FAM227B: variants seen among roughly 807,000 people sequenced by gnomAD.
FAM227B encodes the protein protein FAM227B.
FAM227B carries 88 observed loss-of-function variants against 73.8 expected under a neutral mutation model. The ratio of observed to expected loss-of-function variants is 1.19; its 90% CI spans 1.00 to 1.42. The LOEUF (loss-of-function observed/expected upper bound fraction) is 1.42. Among genes scored for constraint, FAM227B ranks in the 40% most tolerant of loss-of-function variants. FAM227B has a pLI of 0.00. For synonymous variants in FAM227B, 210 were observed against 190.5 expected, an observed-to-expected ratio of 1.10 and a Z score of -0.84; for missense variants, 632 against 590.9, an observed-to-expected ratio of 1.07 and a Z score of -0.72.
At chr15:49,509,842 A>G (rs2058854043) in intron 10 of FAM227B, among the ~76,000 whole-genome samples, 1 of 152,138 alleles carries the variant, frequency 6.6e-6, no homozygotes, top group African/African-American at 2.4e-5. Context: ...CCATAAAATA[A>G]AGGAGCTAAA....
chr15:49,362,338 T>G (rs1007943224), intron 13 of FAM227B, among the ~76,000 whole-genome samples: 1 of 152,124 alleles, frequency 6.6e-6, no homozygotes. Flanking sequence ...TGAAGAAGGT[T>G]CTTGCTTCCC....
At chr15:49,350,797 C>A (rs903137305) in intron 13 of FAM227B, among the ~76,000 whole-genome samples, 1 of 152,098 alleles carries the variant, frequency 6.6e-6, no homozygotes, top group Admixed American at 6.6e-5. Context: ...TAACAGTGCT[C>A]TCTAAGATAT....
intron 11 of FAM227B, among the ~76,000 whole-genome samples, chr15:49,477,785 T>A (rs1211731665): frequency 1.3e-5 from 2 of 152,228 alleles, no homozygotes; most frequent in Non-Finnish European, 2.9e-5. Context: ...CCATTTTGCA[T>A]TCCCACTAGT....
At chr15:49,418,153 G>C (rs1035978672) in intron 11 of FAM227B, among the ~76,000 whole-genome samples, 2 of 152,096 alleles carry the variant, frequency 1.3e-5, no homozygotes, top group Admixed American at 6.6e-5. Flanking sequence ...TTACTAAAAA[G>C]TCAAAAAATA....
chr15:49,365,126 T>C lies in FAM227B; in HGVS notation c.1271+2322A>G, dbSNP rs187556068. 1.3e-3 allele frequency: 899 copies of C among 717,688 alleles called. 2 individuals are homozygous for C. The highest frequency in any genetic ancestry group is 2.0e-3 in the Non-Finnish European group (778 of 393,988). The allele number at this position is 717,688 out of a possible 1,614,324, so 44.5% of individuals were successfully genotyped here. ...TTATAGCAGTTCCACATAATATTAT[T>C]GCTGGACAATCTGTTCACCAGACAT... On this transcript the variant is annotated intron_variant, in intron 13 of 15. Transcript: ENST00000299338.
intron 11 of FAM227B, among the ~76,000 whole-genome samples, chr15:49,375,713 TG>T (rs1457361970): frequency 6.6e-6 from 1 of 152,108 alleles, no homozygotes; most frequent in African/African-American, 2.4e-5. Flanking sequence ...CACCACTAAA[TG>T]GGTTCACAGG....
At chr15:49,563,415 C>A (rs920655660) in intron 9 of FAM227B, among the ~76,000 whole-genome samples, 1 of 152,080 alleles carries the variant, frequency 6.6e-6, no homozygotes, top group Non-Finnish European at 1.5e-5. Context: ...GGCCATACTG[C>A]CCAAAGCAAT....
At chr15:49,574,829 A>G (rs2075347642) in intron 8 of FAM227B, 182 bp downstream of exon 8, 3 of 362,536 alleles carry the variant, frequency 8.3e-6, no homozygotes, top group Non-Finnish European at 1.5e-5. Context: ...AATCTATATT[A>G]AAGTTTTAAC....
At chr15:49,429,709 T>C (rs1247486624) in intron 11 of FAM227B, among the ~76,000 whole-genome samples, 2 of 151,934 alleles carry the variant, frequency 1.3e-5, no homozygotes, top group Middle Eastern at 3.2e-3. Flanking sequence ...AAATTTTTCA[T>C]TAAATTGATC....
intron 3 of FAM227B, among the ~76,000 whole-genome samples, chr15:49,593,742 C>T (rs779938205): frequency 6.6e-6 from 1 of 152,186 alleles, no homozygotes; most frequent in Non-Finnish European, 1.5e-5. Context: ...CCAACTCCAT[C>T]CAGGTTGCTT....
intron 11 of FAM227B, among the ~76,000 whole-genome samples, chr15:49,501,619 A>C (rs2058142996): frequency 6.6e-6 from 1 of 152,264 alleles, no homozygotes; most frequent in African/African-American, 2.4e-5. Context: ...AAAAGGTTAG[A>C]AAATTGGCAG....
intron 11 of FAM227B, chr15:49,486,333 A>G (rs2056399740): frequency 6.6e-6 from 1 of 152,024 alleles, no homozygotes; most frequent in African/African-American, 2.4e-5. Flanking sequence ...GGGAGAGAGC[A>G]TGAATGGTAT....
intron 3 of FAM227B, among the ~76,000 whole-genome samples, chr15:49,591,045 A>ATTTTTTTTTTTTTTTTTTTTTTTTTGTT (rs748799826): frequency 1.4e-5 from 1 of 72,564 alleles, no homozygotes; most frequent in African/African-American, 5.8e-5. Flanking sequence ...TTTTTTTTTG[A>ATTTTTTTTTTTTTTTTTTTTTTTTTGTT]TTTTTTTTTT....
intron 11 of FAM227B, among the ~76,000 whole-genome samples, chr15:49,478,395 A>AT (rs1332418797): frequency 6.6e-6 from 1 of 151,050 alleles, no homozygotes; most frequent in Non-Finnish European, 1.5e-5. Flanking sequence ...ATATTGATAT[A>AT]TTTTTTGCAT....
chr15:49,467,695 C>A (rs1294793650), intron 11 of FAM227B, among the ~76,000 whole-genome samples: 1 of 152,112 alleles, frequency 6.6e-6, no homozygotes, highest in Non-Finnish European at 1.5e-5. Flanking sequence ...AAATAGTCTA[C>A]ATTGTCAGAC....
At chr15:49,331,706 T>G (rs2038789586) in intron 15 of FAM227B, 74 bp downstream of exon 15, 1 of 929,694 alleles carries the variant, frequency 1.1e-6, no homozygotes. Context: ...ATACATTGCT[T>G]ATGAAATATT....
At chr15:49,612,563 G>C (rs2078013121) in intron 2 of FAM227B, among the ~76,000 whole-genome samples, 1 of 152,128 alleles carries the variant, frequency 6.6e-6, no homozygotes, top group Admixed American at 6.6e-5. Flanking sequence ...TAAATGAGTA[G>C]ATGAATGTCA....
chr15:49,329,669 A>T (rs975899069), intron 15 of FAM227B: 23 of 983,468 alleles, frequency 2.3e-5, no homozygotes, highest in Non-Finnish European at 2.8e-5. Flanking sequence ...TGTTAAAAGA[A>T]TTTTGAGTTC....
chr15:49,575,042 G>T lies in FAM227B; in HGVS notation c.614C>A (p.Ser205Tyr). 6.3e-7 allele frequency: 1 copy of T among 1,598,206 alleles called. No homozygotes were observed. Among genetic ancestry groups the T allele is most frequent in the Non-Finnish European group, 8.5e-7 (1 of 1,171,192 alleles). Residue 205 changes from serine to tyrosine, a missense_variant, in exon 8 of 16, where the codon TCC (serine) becomes TAC (tyrosine). Coordinates refer to ENST00000299338, the MANE Select transcript of FAM227B (RefSeq NM_152647.3). The stretch of plus-strand genomic sequence containing the variant: ...TTTATGGAGAAACCACCACCAAAAG[G>T]AGTCATGCAAAAGAGCAATGGAGGC... ...SEASIALLHD[S>Y]FWWWFLHKFR...
Sources: allele counts gnomAD v4.1 joint callset (sites outside exome capture counted in the v4.1 genomes callset), GRCh38; gene constraint gnomAD v4.1.1; transcripts MANE v1.5; gene names NCBI Gene and HGNC (gene_info 2026-07-23, HGNC 2026-07-21).